Variants in NF1 observed in about 807,000 individuals in gnomAD.
The protein encoded by NF1 is neurofibromin 1.
NF1 carries 122 observed loss-of-function variants against 325.7 expected under a neutral mutation model. That is an observed-to-expected ratio of 0.37 (90% CI 0.32 to 0.44). NF1 has a LOEUF of 0.44. Ranked by LOEUF, NF1 falls within the 20% of genes least tolerant of loss-of-function variation. The probability of loss-of-function intolerance (pLI) is 1.00; values close to 1 mark genes in which losing one functional copy is unlikely to be tolerated. For missense variants in NF1, 2,140 were observed against 3,415.4 expected (o/e 0.63, Z 9.31); for synonymous variants, 1,091 against 1,186.0 (o/e 0.92, Z 1.65).
intron 8 of NF1, among the ~76,000 whole-genome samples, chr17:31,189,919 G>A (rs2066311439): frequency 6.6e-6 from 1 of 151,268 alleles, no homozygotes; most frequent in Non-Finnish European, 1.5e-5. Flanking sequence ...GCGCCACCAC[G>A]CCCGGCTAAT....
At chr17:31,337,099 T>A (rs1239601269) in intron 42 of NF1, among the ~76,000 whole-genome samples, 185 bp downstream of exon 42, 1 of 152,176 alleles carries the variant, frequency 6.6e-6, no homozygotes, top group East Asian at 1.9e-4. Flanking sequence ...CAAGCTATAG[T>A]AAAGATTTTC....
chr17:31,123,846 A>G, intron 1 of NF1, among the ~76,000 whole-genome samples: 1 of 152,200 alleles, frequency 6.6e-6, no homozygotes, highest in East Asian at 1.9e-4. Flanking sequence ...GATAGTGGCA[A>G]GTAGCCTCCT....
At position 31,230,254 on chromosome 17, in the gene NF1, A is replaced by G. The variant is rs1191095886; in HGVS notation, c.2991-6A>G. 13 of 1,612,900 alleles carry G rather than the reference A, an allele frequency of 8.1e-6. No homozygotes were observed. Among genetic ancestry groups the G allele is most frequent in the African/African-American group, 2.7e-5 (2 of 74,874 alleles). On this transcript the variant is annotated splice_region_variant and splice_polypyrimidine_tract_variant and intron_variant, in intron 22 of 57. Transcript: ENST00000358273. Reference sequence around the variant, plus strand: ...TAATTTTTTTATTGTTTCTATGTCTATATAGGTATGTTCGTGTGCTTGGGA... The same window carrying G: ...TAATTTTTTTATTGTTTCTATGTCTGTATAGGTATGTTCGTGTGCTTGGGA...
intron 36 of NF1, among the ~76,000 whole-genome samples, chr17:31,306,834 G>T (rs76401146): frequency 2.3e-3 from 353 of 151,526 alleles, no homozygotes; most frequent in South Asian, 4.0e-3. Context: ...GCCTTTAAGT[G>T]TTTCAGATTC....
intron 46 of NF1, 80 bp from the exon 47 acceptor site, chr17:31,340,425 T>C: frequency 1.3e-6 from 2 of 1,579,800 alleles, no homozygotes; most frequent in Non-Finnish European, 1.7e-6. Context: ...ATAAGCTGCT[T>C]TATTTTTAAC....
At chr17:31,371,752 A>G (rs2070644291) in intron 57 of NF1, among the ~76,000 whole-genome samples, 1 of 152,246 alleles carries the variant, frequency 6.6e-6, no homozygotes, top group African/African-American at 2.4e-5. Flanking sequence ...TCCTGGAGAA[A>G]TGTCGCTGAT....
Position 31,337,415 on chromosome 17 carries a change from C to T in NF1, c.6475C>T (p.Pro2159Ser), listed in dbSNP as rs2151556095. The T allele has an allele frequency of 6.2e-7, 1 of 1,614,100 alleles. No individual in the cohort carries two copies. Among genetic ancestry groups the T allele is most frequent in the Non-Finnish European group, 8.5e-7 (1 of 1,179,976 alleles). The part of the protein sequence containing the change: ...LRLSLTEFSL[P>S]KFYLLFGISK... ...ACTCAGTCTGACAGAGTTCTCATTA[C>T]CCAAATTTTACTTGCTGTTTGGCAT... The change falls in exon 43 of 58, where the codon CCC (proline) becomes TCC (serine). Residue 2159 changes from proline (P) to serine (S), a missense_variant. Coordinates refer to ENST00000358273, the MANE Select transcript of NF1 (RefSeq NM_001042492.3).
At chr17:31,315,060 A>T (rs543547617) in intron 36 of NF1, among the ~76,000 whole-genome samples, 117 of 152,264 alleles carry the variant, frequency 7.7e-4, no homozygotes, top group Non-Finnish European at 1.3e-3. Flanking sequence ...AGTGGTGCTG[A>T]GTACCCTTTC....
intron 45 of NF1, among the ~76,000 whole-genome samples, chr17:31,338,439 T>C (rs1203088535): frequency 6.6e-6 from 1 of 152,170 alleles, no homozygotes; most frequent in East Asian, 1.9e-4. Flanking sequence ...TTCAAAGCAT[T>C]TAATTATATG....
At chr17:31,120,705 C>T (rs1914349826) in intron 1 of NF1, among the ~76,000 whole-genome samples, 1 of 151,826 alleles carries the variant, frequency 6.6e-6, no homozygotes, top group Non-Finnish European at 1.5e-5. Flanking sequence ...GGAATGCTTC[C>T]AGTTTTTGCC....
chr17:31,251,737 G>T, intron 30 of NF1: 1 of 202,204 alleles, frequency 4.9e-6, no homozygotes. Context: ...ATAGTCTAAA[G>T]TTTGAAACAA....
At chr17:31,327,413 G>T in intron 37 of NF1, 86 bp from the exon 38 acceptor site, 1 of 925,724 alleles carries the variant, frequency 1.1e-6, no homozygotes, top group Non-Finnish European at 1.7e-6. Context: ...TGTTTTGTTT[G>T]GTTGGTTGGT....
intron 1 of NF1, among the ~76,000 whole-genome samples, chr17:31,101,885 T>C (rs1912372624): frequency 6.6e-6 from 1 of 152,196 alleles, no homozygotes; most frequent in Non-Finnish European, 1.5e-5. Context: ...TTTTATCAAA[T>C]GGAGTGCATA....
At chr17:31,270,558 C>T (rs535980892) in intron 36 of NF1, among the ~76,000 whole-genome samples, 7 of 151,714 alleles carry the variant, frequency 4.6e-5, no homozygotes, top group Admixed American at 1.3e-4. Flanking sequence ...TGCATTGAGC[C>T]GAGATCACAC....
intron 56 of NF1, 21 bp downstream of exon 56, chr17:31,359,036 C>CT: frequency 1.9e-6 from 3 of 1,610,898 alleles, no homozygotes; most frequent in Non-Finnish European, 2.5e-6. Context: ...ATATTTTTCT[C>CT]TAACTTTTGG....
At chr17:31,131,857 C>G (rs1037091165) in intron 1 of NF1, among the ~76,000 whole-genome samples, 1 of 148,344 alleles carries the variant, frequency 6.7e-6, no homozygotes, top group Non-Finnish European at 1.5e-5. Context: ...TCTGTGTTAA[C>G]TGAAGTTGTG....
chr17:31,342,021 T>A (rs1375386294), intron 47 of NF1, among the ~76,000 whole-genome samples: 2 of 152,176 alleles, frequency 1.3e-5, no homozygotes, highest in African/African-American at 2.4e-5. Flanking sequence ...GTCTAAACAT[T>A]ATTAGTTCAG....
intron 1 of NF1, among the ~76,000 whole-genome samples, chr17:31,126,467 A>G (rs754913421): frequency 1.6e-4 from 24 of 152,132 alleles, no homozygotes; most frequent in Middle Eastern, 3.4e-3. Context: ...GTTTTTTGAG[A>G]CAGGGTCTGG....
At chr17:31,355,094 CG>C (rs552849058) in intron 51 of NF1, among the ~76,000 whole-genome samples, 185 of 152,058 alleles carry the variant, frequency 1.2e-3, no homozygotes, top group Non-Finnish European at 2.1e-3. Flanking sequence ...ACCTGGAATT[CG>C]GGAAGAAAGT....
Sources: gnomAD v4.1 joint callset for allele counts (sites outside exome capture counted in the v4.1 genomes callset) on GRCh38, gnomAD v4.1.1 for gene constraint, MANE v1.5 for transcripts, NCBI Gene and HGNC (gene_info 2026-07-23, HGNC 2026-07-21) for gene names.